Variants in CDH18 observed in about 807,000 individuals in gnomAD.
The protein encoded by CDH18 is cadherin 18.
A neutral mutation model predicts 67.9 loss-of-function variants in CDH18; 31 were observed. The ratio of observed to expected loss-of-function variants is 0.46; its 90% CI spans 0.34 to 0.62. CDH18 has a LOEUF of 0.62. Ranked by LOEUF, CDH18 falls within the 20% of genes least tolerant of loss-of-function variation. The probability of loss-of-function intolerance (pLI) is 0.01; values close to 1 mark genes in which losing one functional copy is unlikely to be tolerated. For synonymous variants in CDH18, 362 were observed against 347.2 expected, an observed-to-expected ratio of 1.04 and a Z score of -0.48; for missense variants, 890 against 975.5, an observed-to-expected ratio of 0.91 and a Z score of 1.17.
intron 1 of CDH18, among the ~76,000 whole-genome samples, chr5:20,415,250 G>A (rs1354868898): frequency 6.6e-6 from 1 of 152,086 alleles, no homozygotes. Flanking sequence ...AGCCATGCAT[G>A]GTGGTGTGTG....
At chr5:19,674,357 T>C (rs971942877) in intron 5 of CDH18, among the ~76,000 whole-genome samples, 5 of 152,124 alleles carry the variant, frequency 3.3e-5, no homozygotes, top group African/African-American at 1.2e-4. Flanking sequence ...AGAGAAAACC[T>C]ATTGGCATTT....
chr5:20,352,807 A>T (rs1249596313), intron 1 of CDH18, among the ~76,000 whole-genome samples: 2 of 142,002 alleles, frequency 1.4e-5, no homozygotes, highest in Admixed American at 1.4e-4. Flanking sequence ...AAATAAAAAT[A>T]AAAAAAAAAT....
intron 1 of CDH18, among the ~76,000 whole-genome samples, chr5:20,430,424 A>G (rs1748648991): frequency 6.6e-6 from 1 of 152,066 alleles, no homozygotes; most frequent in Admixed American, 6.5e-5. Flanking sequence ...GGGCTTCTAT[A>G]TCCCAGATTC....
intron 1 of CDH18, among the ~76,000 whole-genome samples, chr5:20,339,554 C>A (rs1020972843): frequency 7.9e-5 from 12 of 152,054 alleles, no homozygotes; most frequent in Admixed American, 2.0e-4. Flanking sequence ...GCACTACCTT[C>A]TCTATAGGTT....
chr5:20,188,644 T>G (rs1421521788), intron 2 of CDH18, among the ~76,000 whole-genome samples: 1 of 151,988 alleles, frequency 6.6e-6, no homozygotes, highest in African/African-American at 2.4e-5. Flanking sequence ...ATTAGGCAGA[T>G]GGTAAATAGT....
At chr5:20,570,077 G>A (rs1246762436) in intron 1 of CDH18, among the ~76,000 whole-genome samples, 4 of 152,136 alleles carry the variant, frequency 2.6e-5, no homozygotes, top group South Asian at 4.1e-4. Flanking sequence ...CAATGAAAAT[G>A]TTCTGTCTGA....
intron 2 of CDH18, among the ~76,000 whole-genome samples, chr5:20,019,927 A>G (rs570326301): frequency 1.4e-4 from 22 of 152,346 alleles, no homozygotes; most frequent in African/African-American, 5.3e-4. Context: ...TGTTTTGACC[A>G]AAATGCTGAT....
At chr5:19,825,197 G>GGAAGCATCCA (rs1780278510) in intron 3 of CDH18, among the ~76,000 whole-genome samples, 1 of 152,106 alleles carries the variant, frequency 6.6e-6, no homozygotes, top group South Asian at 2.1e-4. Context: ...TGTTGTCCCA[G>GGAAGCATCCA]GAAGCATCCA....
chr5:20,283,621 A>G (rs560987819), intron 1 of CDH18, among the ~76,000 whole-genome samples: 1 of 152,190 alleles, frequency 6.6e-6, no homozygotes, highest in African/African-American at 2.4e-5. Context: ...TTAAGTACGT[A>G]GAGAAAAGGG....
chr5:20,523,562 A>G (rs2126529112), intron 1 of CDH18, among the ~76,000 whole-genome samples: 1 of 152,222 alleles, frequency 6.6e-6, no homozygotes, highest in African/African-American at 2.4e-5. Flanking sequence ...TTTTTTTTAG[A>G]TGGAGTCTCG....
chr5:19,669,305 T>A (rs914296683), intron 5 of CDH18, among the ~76,000 whole-genome samples: 2 of 147,832 alleles, frequency 1.4e-5, no homozygotes, highest in Non-Finnish European at 3.0e-5. Flanking sequence ...ATATATATAT[T>A]TTTTGAGATG....
intron 1 of CDH18, among the ~76,000 whole-genome samples, chr5:20,505,946 G>A (rs922796637): frequency 1.6e-4 from 25 of 152,256 alleles, no homozygotes; most frequent in Admixed American, 1.6e-3. Flanking sequence ...ACTCACACAT[G>A]TGCTATGCCT....
intron 3 of CDH18, among the ~76,000 whole-genome samples, chr5:19,784,493 T>A (rs190907471): frequency 7.4e-4 from 113 of 152,308 alleles, no homozygotes; most frequent in Non-Finnish European, 1.3e-3. Context: ...GCCACTTTTT[T>A]AAAATTCCAT....
intron 3 of CDH18, among the ~76,000 whole-genome samples, chr5:19,777,838 A>C (rs1347691117): frequency 6.6e-6 from 1 of 152,192 alleles, no homozygotes; most frequent in Non-Finnish European, 1.5e-5. Context: ...AAATGAATAG[A>C]ACTTTTGCCA....
At chr5:19,927,727 G>T (rs562164619) in intron 2 of CDH18, among the ~76,000 whole-genome samples, 3 of 152,030 alleles carry the variant, frequency 2.0e-5, no homozygotes, top group Non-Finnish European at 4.4e-5. Context: ...AAAGAAAAAA[G>T]TTATCAATCT....
chr5:19,914,557 T>C (rs1210755671), intron 2 of CDH18, among the ~76,000 whole-genome samples: 2 of 152,118 alleles, frequency 1.3e-5, no homozygotes, highest in South Asian at 4.1e-4. Context: ...ATACTCTCTT[T>C]ACATATATGT....
chr5:19,862,345 C>T (rs1469925812), intron 2 of CDH18, among the ~76,000 whole-genome samples: 1 of 152,130 alleles, frequency 6.6e-6, no homozygotes, highest in Non-Finnish European at 1.5e-5. Flanking sequence ...CTCAAAAACA[C>T]ACCTTTGTGT....
At chr5:20,571,863 C>T (rs918671950) in intron 1 of CDH18, among the ~76,000 whole-genome samples, 11 of 152,018 alleles carry the variant, frequency 7.2e-5, no homozygotes, top group African/African-American at 1.9e-4. Flanking sequence ...CATGAGCTAG[C>T]ACCATTTGAA....
intron 1 of CDH18, among the ~76,000 whole-genome samples, chr5:20,369,647 T>C (rs1742819269): frequency 6.6e-6 from 1 of 152,226 alleles, no homozygotes; most frequent in South Asian, 2.1e-4. Context: ...GAAATGCTTG[T>C]TTCTGTTTTG....
Sources: gnomAD v4.1 joint callset for allele counts (sites outside exome capture counted in the v4.1 genomes callset) on GRCh38, gnomAD v4.1.1 for gene constraint, MANE v1.5 for transcripts, NCBI Gene and HGNC (gene_info 2026-07-23, HGNC 2026-07-21) for gene names.